BCAS3: variants seen among roughly 807,000 people sequenced by gnomAD.
The protein encoded by BCAS3 is BCAS3 microtubule associated cell migration factor.
In BCAS3, 53 loss-of-function variants were observed where a neutral mutation model predicts 116.1. That is an observed-to-expected ratio of 0.46 (90% confidence interval 0.37 to 0.57). The LOEUF (loss-of-function observed/expected upper bound fraction) is 0.57, where lower values mean the gene tolerates loss of function less well. BCAS3 is among the 20% of genes least tolerant of loss of function. The probability of loss-of-function intolerance (pLI) is 0.00; values close to 1 mark genes in which losing one functional copy is unlikely to be tolerated. For missense variants in BCAS3, 917 were observed against 1,165.4 expected, an observed-to-expected ratio of 0.79 and a Z score of 3.10; for synonymous variants, 391 against 408.2, an observed-to-expected ratio of 0.96 and a Z score of 0.51.
Position 61,047,955 on chromosome 17 carries a change from TC to T in BCAS3, c.2029+7065del, listed in dbSNP as rs776918247. Among the ~76,000 whole-genome samples, 210 of 152,026 alleles carry T rather than the reference TC, an allele frequency of 1.4e-3. 1 individual carries two copies. Among genetic ancestry groups the T allele is most frequent in the Non-Finnish European group, 2.0e-3 (139 of 67,960 alleles). ...AATCAGGCTGTGATGTGTGAAAAGT[TC>T]CTCTGTAAACTTACTGAGTTTTATT... On this transcript the variant is annotated intron_variant, in intron 19 of 23. Coordinates refer to ENST00000407086, the MANE Select transcript of BCAS3 (RefSeq NM_017679.5).
chr17:60,766,013 C>T (rs974566880), intron 6 of BCAS3, among the ~76,000 whole-genome samples: 11 of 152,154 alleles, frequency 7.2e-5, no homozygotes, highest in African/African-American at 2.2e-4. Flanking sequence ...ACGTAGTTCT[C>T]GTGCCATGGT....
chr17:60,857,990 C>G (rs1415119923), intron 7 of BCAS3, among the ~76,000 whole-genome samples: 1 of 151,414 alleles, frequency 6.6e-6, no homozygotes, highest in East Asian at 1.9e-4. Context: ...GTGAAGTGAT[C>G]GGAGTTCCAG....
At chr17:60,743,563 A>G (rs971177548) in intron 5 of BCAS3, among the ~76,000 whole-genome samples, 2 of 151,106 alleles carry the variant, frequency 1.3e-5, no homozygotes, top group Non-Finnish European at 2.9e-5. Flanking sequence ...ACCAGTATCT[A>G]TAGGGGAAAG....
chr17:61,012,823 G>T lies in BCAS3; in HGVS notation c.1487-2928G>T, dbSNP rs1269386047. Among the ~76,000 whole-genome samples the T allele has an allele frequency of 6.6e-6, 1 of 152,048 alleles. No homozygotes were observed. Among genetic ancestry groups the T allele is most frequent in the East Asian group, 1.9e-4 (1 of 5,196 alleles). On this transcript the variant is annotated intron_variant, in intron 15 of 23. Transcript: ENST00000407086. This position sits in a 1 kb window ranked among gnomAD's most constrained non-coding sequence, Gnocchi z 4.5. ...TAAACCACAGATTTGGAACTTCTCA[G>T]TGAATCACTTCATTTTCCTAGACCA...
At chr17:60,756,875 C>T (rs2043031760) in intron 6 of BCAS3, among the ~76,000 whole-genome samples, 1 of 152,074 alleles carries the variant, frequency 6.6e-6, no homozygotes. Context: ...GTTTACATTC[C>T]CACCAACAGC....
At chr17:60,768,551 A>G (rs868043490) in intron 6 of BCAS3, among the ~76,000 whole-genome samples, 1 of 152,096 alleles carries the variant, frequency 6.6e-6, no homozygotes, top group East Asian at 1.9e-4. Context: ...CAGACAGCCT[A>G]TTGTGGGACC....
intron 4 of BCAS3, among the ~76,000 whole-genome samples, chr17:60,694,949 T>A (rs2143891705): frequency 6.6e-6 from 1 of 152,192 alleles, no homozygotes; most frequent in East Asian, 1.9e-4. Context: ...TTTCTATGAT[T>A]TTTAACTACT....
At position 60,965,283 on chromosome 17, in the gene BCAS3, G is replaced by A. The variant is rs561793785; in HGVS notation, c.1221+17931G>A. ...TCACTCCAGGCTGGAGTGCAGTGGC[G>A]CAATCTTGGCTCACTGCAACCTCTG... On this transcript the variant is annotated intron_variant, in intron 14 of 23. Coordinates refer to ENST00000407086, the MANE Select transcript of BCAS3 (RefSeq NM_017679.5). Among the ~76,000 whole-genome samples, 104 of 147,126 alleles carry A rather than the reference G, an allele frequency of 7.1e-4. 1 individual carries two copies. The highest frequency in any genetic ancestry group is 2.3e-3 in the African/African-American group (91 of 39,574).
chr17:61,304,353 G>A (rs556717117), intron 22 of BCAS3, among the ~76,000 whole-genome samples: 8 of 152,262 alleles, frequency 5.3e-5, no homozygotes, highest in African/African-American at 1.9e-4. Flanking sequence ...ACCTTTCCTT[G>A]GTCAGGCTTC....
intron 22 of BCAS3, chr17:61,159,397 T>C (rs564560102): frequency 3.7e-4 from 57 of 152,328 alleles, no homozygotes; most frequent in African/African-American, 1.3e-3. Flanking sequence ...ACTTGTGAGA[T>C]GATTTCAGGT....
At chr17:61,057,251 C>T (rs8066096) in intron 19 of BCAS3, among the ~76,000 whole-genome samples, 1,902 of 152,190 alleles carry the variant, frequency 0.012, 38 homozygotes, top group African/African-American at 0.044. Flanking sequence ...TTAAATATTC[C>T]AGAAAATATC....
intron 19 of BCAS3, among the ~76,000 whole-genome samples, chr17:61,061,810 T>C (rs75886638): frequency 0.041 from 6,278 of 152,278 alleles, 462 homozygotes; most frequent in African/African-American, 0.14. Flanking sequence ...CTTAGGATGC[T>C]TTCAGCAAAT....
At chr17:60,877,251 A>G (rs985012959) in intron 9 of BCAS3, among the ~76,000 whole-genome samples, 1 of 152,012 alleles carries the variant, frequency 6.6e-6, no homozygotes, top group Non-Finnish European at 1.5e-5. Context: ...TACAAGTCAC[A>G]TTGGGGTAAA....
intron 7 of BCAS3, among the ~76,000 whole-genome samples, chr17:60,853,555 T>G (rs903243383): frequency 2.6e-5 from 4 of 152,172 alleles, no homozygotes; most frequent in African/African-American, 9.7e-5. Flanking sequence ...AATAGGAAAC[T>G]TAGACAAACA....
chr17:61,093,306 G>A (rs1422912539), intron 22 of BCAS3, among the ~76,000 whole-genome samples: 1 of 152,144 alleles, frequency 6.6e-6, no homozygotes, highest in African/African-American at 2.4e-5. Flanking sequence ...TTTATTGTGG[G>A]TGGTCAAGTG....
At chr17:61,005,811 T>C (rs1176851944) in intron 15 of BCAS3, among the ~76,000 whole-genome samples, 4 of 151,714 alleles carry the variant, frequency 2.6e-5, no homozygotes, top group African/African-American at 9.7e-5. Context: ...TCTTTTATTA[T>C]TATACTTTAA....
At chr17:60,776,351 G>A (rs533182468) in intron 6 of BCAS3, among the ~76,000 whole-genome samples, 2 of 152,236 alleles carry the variant, frequency 1.3e-5, no homozygotes, top group African/African-American at 4.8e-5. Context: ...TCTCACATTA[G>A]TTGTTTAACC....
intron 13 of BCAS3, among the ~76,000 whole-genome samples, chr17:60,941,471 A>G (rs2060220116): frequency 6.6e-6 from 1 of 152,204 alleles, no homozygotes; most frequent in Non-Finnish European, 1.5e-5. Context: ...GCAAAAGAGG[A>G]AATTCTAAAT....
rs917863117 is a variant in BCAS3 at position 61,087,290 on chromosome 17, A to G, written c.2425+2726A>G. On this transcript the variant is annotated intron_variant, in intron 22 of 23. Transcript: ENST00000407086. This position sits in a 1 kb window ranked among gnomAD's most constrained non-coding sequence, Gnocchi z 4.6. ...TCTTCATTGCCCTGTATTACCTTCAAGCATTTTATATGACTTCATGGATTA... is the reference window on the plus strand; with the variant it reads ...TCTTCATTGCCCTGTATTACCTTCAGGCATTTTATATGACTTCATGGATTA... 2.5e-6 allele frequency: 2 copies of G among 793,652 alleles called. No individual in the cohort carries two copies. The highest frequency in any genetic ancestry group is 6.4e-4 in the Middle Eastern group (1 of 1,570). The allele number at this position is 793,652 out of a possible 1,614,324, so 49.2% of individuals were successfully genotyped here.
Sources: gnomAD v4.1 joint callset for allele counts (sites outside exome capture counted in the v4.1 genomes callset) on GRCh38, gnomAD v4.1.1 for gene constraint, Gnocchi (gnomAD v3.1) non-coding constraint, MANE v1.5 for transcripts, NCBI Gene and HGNC (gene_info 2026-07-23, HGNC 2026-07-21) for gene names.